Variants in EXT1 observed in about 807,000 individuals in gnomAD.
EXT1 encodes exostosin-1.
In EXT1, 20 loss-of-function variants were observed where a neutral mutation model predicts 82.5. The observed-to-expected ratio is 0.24, with a 90% CI of 0.17 to 0.35. The LOEUF is 0.35. Among genes scored for constraint, EXT1 ranks in the 10% least tolerant of loss-of-function variants. The pLI is 1.00. For synonymous variants in EXT1, 348 were observed against 350.8 expected, an observed-to-expected ratio of 0.99 and a Z score of 0.09; for missense variants, 757 against 936.5, an observed-to-expected ratio of 0.81 and a Z score of 2.50.
rs549293135 is a variant in EXT1 at position 118,103,191 on chromosome 8, G to T, written c.962+6894C>A. Among the ~76,000 whole-genome samples the T allele has an allele frequency of 2.8e-4, 42 of 148,188 alleles. 1 individual carries two copies. In the South Asian group the frequency reaches 8.9e-3, roughly 31 times the overall value. ...AGATAAGGTCTTGCTCTATTGTCCA[G>T]GGTGGAGTGCAGTGGTGCCATCATC... On this transcript the variant is annotated intron_variant, in intron 1 of 10. Transcript: ENST00000378204.
rs987302167 is a variant in EXT1, at chr8:117,997,233, A to G, written c.962+112852T>C. Among the ~76,000 whole-genome samples, 9 of 146,620 alleles carry G rather than the reference A, an allele frequency of 6.1e-5. No individual in the cohort carries two copies. The South Asian group carries it at 8.5e-4, about 14-fold the overall frequency. ...ATTGATTGGCCCTTCCCCGTATGGTATAGTTGTCATACTATATATATATAT... is the reference window on the plus strand; with the variant it reads ...ATTGATTGGCCCTTCCCCGTATGGTGTAGTTGTCATACTATATATATATAT... On this transcript the variant is annotated intron_variant, in intron 1 of 10. Transcript: ENST00000378204.
At chr8:117,916,174 G>A (rs542216482) in intron 1 of EXT1, among the ~76,000 whole-genome samples, 52 of 152,332 alleles carry the variant, frequency 3.4e-4, no homozygotes, top group African/African-American at 1.1e-3. Context: ...TAATGAAGCT[G>A]TCATCCTCTT....
intron 1 of EXT1, among the ~76,000 whole-genome samples, chr8:117,960,950 T>C (rs1296051083): frequency 1.3e-5 from 2 of 152,142 alleles, no homozygotes; most frequent in East Asian, 1.9e-4. Context: ...CTTATCCTGG[T>C]GATTCTAGTA....
chr8:117,962,580 C>T (rs999078313), intron 1 of EXT1, among the ~76,000 whole-genome samples: 1 of 152,280 alleles, frequency 6.6e-6, no homozygotes, highest in South Asian at 2.1e-4. Context: ...GGTGAAACGC[C>T]CATCTCTACT....
At chr8:117,858,766 A>AAGGCAGGCAGGCAGGC (rs71303472) in intron 1 of EXT1, among the ~76,000 whole-genome samples, 19 of 54,654 alleles carry the variant, frequency 3.5e-4, no homozygotes, top group South Asian at 1.5e-3. Context: ...GGAAGGAAGG[A>AAGGCAGGCAGGCAGGC]AGGCAGGCAG....
chr8:117,994,352 C>T (rs540162967), intron 1 of EXT1, among the ~76,000 whole-genome samples: 1 of 152,192 alleles, frequency 6.6e-6, no homozygotes, highest in East Asian at 1.9e-4. Context: ...TTGCTCACAC[C>T]TGTAATCCCA....
At position 117,822,446 on chromosome 8, in the gene EXT1, C is replaced by G. The variant is rs780008731; in HGVS notation, c.1417+19G>C. The G allele has an allele frequency of 6.2e-7, 1 of 1,612,138 alleles. No homozygotes were observed. Among genetic ancestry groups the G allele is most frequent in the Non-Finnish European group, 8.5e-7 (1 of 1,179,500 alleles). On this transcript the variant is annotated intron_variant, in intron 5 of 10. Transcript: ENST00000378204. ...CTTCAGGGTAAACAAGGGCAACTCCCTGGAGGAAATTCACTTACCTAAATT... is the reference window on the plus strand; with the variant it reads ...CTTCAGGGTAAACAAGGGCAACTCCGTGGAGGAAATTCACTTACCTAAATT...
chr8:118,034,109 G>A (rs768577894), intron 1 of EXT1, among the ~76,000 whole-genome samples: 2 of 152,152 alleles, frequency 1.3e-5, no homozygotes, highest in Non-Finnish European at 2.9e-5. Flanking sequence ...GTAGCATATT[G>A]TATCCACAAT....
intron 1 of EXT1, among the ~76,000 whole-genome samples, chr8:117,940,706 GA>G (rs1814255468): frequency 6.6e-6 from 1 of 152,182 alleles, no homozygotes; most frequent in Admixed American, 6.5e-5. Context: ...CATTAGTTCA[GA>G]ATGAGAATTT....
At chr8:117,828,193 C>A (rs1258368523) in intron 4 of EXT1, among the ~76,000 whole-genome samples, 1 of 151,878 alleles carries the variant, frequency 6.6e-6, no homozygotes, top group South Asian at 2.1e-4. Context: ...ATATATATAT[C>A]AATAGTGGTT....
chr8:117,921,511 G>T (rs936865954), intron 1 of EXT1, among the ~76,000 whole-genome samples: 3 of 152,188 alleles, frequency 2.0e-5, no homozygotes, highest in Non-Finnish European at 4.4e-5. Flanking sequence ...TTGGCAAAAT[G>T]AGAATAATAA....
At chr8:118,098,884 G>A (rs73312339) in intron 1 of EXT1, among the ~76,000 whole-genome samples, 8,308 of 152,162 alleles carry the variant, frequency 0.055, 701 homozygotes, top group African/African-American at 0.18. Context: ...TTAGCAACAA[G>A]TAGCAGAAAT....
chr8:118,034,640 A>G (rs1263558329), intron 1 of EXT1, among the ~76,000 whole-genome samples: 1 of 152,016 alleles, frequency 6.6e-6, no homozygotes, highest in Non-Finnish European at 1.5e-5. Context: ...GACCTACAGC[A>G]TCTTGGAGTG....
intron 1 of EXT1, among the ~76,000 whole-genome samples, chr8:118,085,468 G>C (rs899791846): frequency 4.7e-5 from 7 of 148,640 alleles, no homozygotes; most frequent in African/African-American, 1.7e-4. Context: ...TTTGTTATTG[G>C]GGCTGTTTTT....
intron 1 of EXT1, among the ~76,000 whole-genome samples, chr8:118,004,665 T>A (rs1414680463): frequency 6.6e-6 from 1 of 152,250 alleles, no homozygotes; most frequent in Non-Finnish European, 1.5e-5. Flanking sequence ...TTCCTGAGTA[T>A]TCCAGTCTCT....
intron 1 of EXT1, among the ~76,000 whole-genome samples, chr8:117,972,668 G>A (rs979077497): frequency 7.2e-5 from 11 of 152,186 alleles, no homozygotes; most frequent in Admixed American, 2.0e-4. Context: ...GGTAATTTAC[G>A]AAGGGAAAGG....
At chr8:117,836,823 C>T (rs1229125711) in intron 2 of EXT1, among the ~76,000 whole-genome samples, 1 of 152,138 alleles carries the variant, frequency 6.6e-6, no homozygotes, top group Non-Finnish European at 1.5e-5. Flanking sequence ...TAGAGTCCAG[C>T]TAGGCTGCCT....
intron 1 of EXT1, among the ~76,000 whole-genome samples, chr8:117,963,444 C>T (rs1039460119): frequency 4.6e-5 from 7 of 152,036 alleles, no homozygotes; most frequent in Non-Finnish European, 7.4e-5. Context: ...TTGAACACGG[C>T]GCCTTCTCTA....
intron 1 of EXT1, among the ~76,000 whole-genome samples, chr8:118,096,641 A>T (rs1817618910): frequency 4.7e-5 from 1 of 21,430 alleles, no homozygotes; most frequent in African/African-American, 1.1e-4. Context: ...GAAGGAAGGA[A>T]GGAAGGAAGG....
Sources: allele counts gnomAD v4.1 joint callset (sites outside exome capture counted in the v4.1 genomes callset), GRCh38; gene constraint gnomAD v4.1.1; transcripts MANE v1.5; gene names NCBI Gene and HGNC (gene_info 2026-07-23, HGNC 2026-07-21).